The following MS4A1 variants were observed in gnomAD, a reference collection of about 807,000 sequenced individuals.
The protein encoded by MS4A1 is B-lymphocyte antigen CD20.
In MS4A1, 16 loss-of-function variants were observed where a neutral mutation model predicts 26.5. The ratio of observed to expected loss-of-function variants is 0.60; its 90% confidence interval spans 0.41 to 0.92. MS4A1 has a LOEUF of 0.92. Among genes scored for constraint, MS4A1 ranks in the 40% least tolerant of loss-of-function variants. The pLI, the probability that MS4A1 is intolerant of heterozygous loss-of-function variation, is 0.00. For synonymous variants in MS4A1, 128 were observed against 117.6 expected (o/e 1.09, Z -0.57); for missense variants, 350 against 353.0 (o/e 0.99, Z 0.07).
At chr11:60,462,768 G>T (rs2086259053) in intron 3 of MS4A1, among the ~76,000 whole-genome samples, 2 of 152,124 alleles carry the variant, frequency 1.3e-5, no homozygotes, top group South Asian at 4.1e-4. Flanking sequence ...ATATGCAGGG[G>T]TCCCCCATCC....
chr11:60,465,267 C>A (rs73483124), intron 5 of MS4A1, among the ~76,000 whole-genome samples: 79 of 152,316 alleles, frequency 5.2e-4, no homozygotes, highest in African/African-American at 1.9e-3. Flanking sequence ...ATCATCCCTG[C>A]AAGGTAGAAC....
At chr11:60,466,859 C>G (rs931925980) in intron 6 of MS4A1, 100 bp from the exon 7 acceptor site, 17 of 1,141,532 alleles carry the variant, frequency 1.5e-5, no homozygotes, top group Non-Finnish European at 2.6e-6. Flanking sequence ...GAATTGATCT[C>G]TTAATCGTTC....
chr11:60,463,521 G>A (rs181157123), intron 4 of MS4A1, among the ~76,000 whole-genome samples: 189 of 152,306 alleles, frequency 1.2e-3, no homozygotes, highest in African/African-American at 4.4e-3. Context: ...TATGGTACCT[G>A]GTGAAACCTG....
intron 6 of MS4A1, 88 bp from the exon 7 acceptor site, chr11:60,466,871 A>T: frequency 7.9e-7 from 1 of 1,271,256 alleles, no homozygotes; most frequent in Non-Finnish European, 1.1e-6. Flanking sequence ...TAATCGTTCA[A>T]TTATAGTCAA....
At chr11:60,464,961 AAGTTCGCTCCC>A (rs2086278596) in intron 5 of MS4A1, among the ~76,000 whole-genome samples, 1 of 152,254 alleles carries the variant, frequency 6.6e-6, no homozygotes, top group South Asian at 2.1e-4. Context: ...GTTTAGCAGC[AAGTTCGCTCCC>A]AAAAAATTCC....
Position 60,469,365 on chromosome 11 carries a change from A to C in MS4A1, c.*897A>C, listed in dbSNP as rs970904143. On this transcript the variant is annotated 3_prime_UTR_variant, in exon 8 of 8. Transcript: ENST00000345732. Reference sequence around the variant, plus strand: ...CAAAGAGGCCAAATAACTTGTAAACAAGAAAAGGTAACTTGTCAACAGTCA... The same window carrying C: ...CAAAGAGGCCAAATAACTTGTAAACCAGAAAAGGTAACTTGTCAACAGTCA... 3.3e-5 allele frequency: 5 copies of C among 152,216 alleles called. No homozygotes were observed. Among genetic ancestry groups the C allele is most frequent in the Non-Finnish European group, 2.9e-5 (2 of 68,012 alleles). 9.4% of individuals were successfully genotyped at this position (152,216 alleles called of 1,614,324 possible).
At chr11:60,465,086 G>A (rs1394589173) in intron 5 of MS4A1, among the ~76,000 whole-genome samples, 1 of 152,202 alleles carries the variant, frequency 6.6e-6, no homozygotes, top group African/African-American at 2.4e-5. Flanking sequence ...CTCAGTTTGG[G>A]GGGAAAACTT....
intron 1 of MS4A1, among the ~76,000 whole-genome samples, chr11:60,459,469 A>AGCTTG (rs1227284713): frequency 6.6e-6 from 1 of 152,216 alleles, no homozygotes; most frequent in Non-Finnish European, 1.5e-5. Flanking sequence ...AGTGCCTTCT[A>AGCTTG]GCTTGGCTCT....
chr11:60,467,535 G>T (rs544037257), intron 7 of MS4A1, among the ~76,000 whole-genome samples: 3 of 151,926 alleles, frequency 2.0e-5, no homozygotes, highest in African/African-American at 7.2e-5. Context: ...CTCAGCCTCC[G>T]AAAGTGCTGG....
At chr11:60,456,090 G>T (rs1297520563) in intron 1 of MS4A1, 145 bp downstream of exon 1, 10 of 152,138 alleles carry the variant, frequency 6.6e-5, no homozygotes, top group Admixed American at 5.9e-4. Flanking sequence ...TTAAGGAGGG[G>T]TGACGATATC....
At position 60,470,026 on chromosome 11, in the gene MS4A1, T is replaced by C. The variant is rs972745010; in HGVS notation, c.*1558T>C. 1.3e-5 allele frequency: 2 copies of C among 152,124 alleles called. No individual in the cohort carries two copies. The highest frequency in any genetic ancestry group is 6.5e-5 in the Admixed American group (1 of 15,272). 9.4% of individuals were successfully genotyped at this position (152,124 alleles called of 1,614,324 possible). ...TAAAGTTCTCAAAATTTGTTCTAAATTAATAAAACTATCTTTGTGTTCTTT... is the reference window on the plus strand; with the variant it reads ...TAAAGTTCTCAAAATTTGTTCTAAACTAATAAAACTATCTTTGTGTTCTTT... On this transcript the variant is annotated 3_prime_UTR_variant, in exon 8 of 8. Coordinates refer to ENST00000345732, the MANE Select transcript of MS4A1 (RefSeq NM_152866.3).
At chr11:60,464,253 C>T (rs2086271899) in intron 4 of MS4A1, 35 bp from the exon 5 acceptor site, 1 of 1,448,342 alleles carries the variant, frequency 6.9e-7, no homozygotes, top group South Asian at 1.1e-5. Context: ...TCTTGCCCAC[C>T]CCCTCTCCAT....
rs199991623 is a variant in MS4A1 at position 60,468,871 on chromosome 11, T to A, written c.*403T>A. On this transcript the variant is annotated 3_prime_UTR_variant, in exon 8 of 8. Transcript: ENST00000345732. ...TGACATTCCTAAACTATCTTTTTTT[T>A]ATTCCACATCTACGTTTTTGGTGGA... 2.1e-5 allele frequency: 4 copies of A among 187,336 alleles called. No individual in the cohort carries two copies. The highest frequency in any genetic ancestry group is 2.2e-4 in the South Asian group (2 of 9,154). 11.6% of individuals were successfully genotyped at this position (187,336 alleles called of 1,614,324 possible).
chr11:60,459,221 G>A (rs980560052), intron 1 of MS4A1, among the ~76,000 whole-genome samples: 4 of 152,238 alleles, frequency 2.6e-5, no homozygotes, highest in African/African-American at 9.6e-5. Flanking sequence ...GGGGCGGAGT[G>A]TAGTGACTCC....
At chr11:60,457,815 G>C (rs1205834850) in intron 1 of MS4A1, among the ~76,000 whole-genome samples, 8 of 152,144 alleles carry the variant, frequency 5.3e-5, no homozygotes, top group Non-Finnish European at 7.3e-5. Context: ...GAGAGGAGGT[G>C]GGGGAAGAGA....
At chr11:60,457,649 A>G (rs1048874524) in intron 1 of MS4A1, among the ~76,000 whole-genome samples, 1 of 152,224 alleles carries the variant, frequency 6.6e-6, no homozygotes, top group African/African-American at 2.4e-5. Flanking sequence ...TGTGGTCCCA[A>G]CTATCTAAGC....
chr11:60,468,193 T>C, intron 7 of MS4A1, 57 bp from the exon 8 acceptor site: 1 of 1,330,964 alleles, frequency 7.5e-7, no homozygotes, highest in Non-Finnish European at 1.1e-6. Context: ...GTGGAGATTG[T>C]TGACAAAGGT....
In MS4A1 at chr11:60,468,927, T is replaced by TA. The variant is rs35374361; in HGVS notation, c.*468dup. 89 of 173,068 alleles carry TA rather than the reference T, an allele frequency of 5.1e-4. No homozygotes were observed. In the South Asian group the frequency reaches 6.5e-3, roughly 13 times the overall value. The allele number at this position is 173,068 out of a possible 1,614,324, so 10.7% of individuals were successfully genotyped here. ...TTTTGCATCATTGTTTTAAGGATGATAAAAAAAAATAACAACTAGGGACAA... is the reference window on the plus strand; with the variant it reads ...TTTTGCATCATTGTTTTAAGGATGATAAAAAAAAAATAACAACTAGGGACAA... On this transcript the variant is annotated 3_prime_UTR_variant, in exon 8 of 8. Transcript: ENST00000345732.
Position 60,466,009 on chromosome 11 carries a change from A to T in MS4A1, c.425A>T (p.Lys142Ile), listed in dbSNP as rs2086288061. 1 of 1,613,674 alleles carries T rather than the reference A, an allele frequency of 6.2e-7. No individual in the cohort carries two copies. Among genetic ancestry groups the T allele is most frequent in the African/African-American group, 1.3e-5 (1 of 74,906 alleles). ...TCAATCATGGACATACTTAATATTA[A>T]AATTTCCCATTTTTTAAAAATGGAG... is the stretch of plus-strand genomic sequence containing the variant. ...ILSIMDILNI[K>I]ISHFLKMESL... Residue 142 changes from lysine (K) to isoleucine (I), a missense_variant, in exon 6 of 8, where the codon AAA (lysine) becomes ATA (isoleucine). Transcript: ENST00000345732.
Sources: allele counts gnomAD v4.1 joint callset (sites outside exome capture counted in the v4.1 genomes callset), GRCh38; gene constraint gnomAD v4.1.1; transcripts MANE v1.5; gene names NCBI Gene and HGNC (gene_info 2026-07-23, HGNC 2026-07-21).